ZNF732: variants seen among roughly 807,000 people sequenced by gnomAD.
ZNF732 encodes zinc finger protein 732, also known as zinc finger protein LOC654254.
A neutral mutation model predicts 11.5 loss-of-function variants in ZNF732; 12 were observed. The observed-to-expected ratio is 1.05, with a 90% confidence interval of 0.67 to 1.70. The LOEUF is 1.70. Ranked by LOEUF, ZNF732 falls within the 40% of genes most tolerant of loss-of-function variation. The pLI is 0.00. For missense variants in ZNF732, 702 were observed against 676.9 expected, an observed-to-expected ratio of 1.04 and a Z score of -0.41; for synonymous variants, 231 against 236.5, an observed-to-expected ratio of 0.98 and a Z score of 0.21.
chr4:305,159 A>C, intron 1 of ZNF732, 149 bp downstream of exon 1: 1 of 1,104,222 alleles, frequency 9.1e-7, no homozygotes, highest in Non-Finnish European at 1.2e-6. Flanking sequence ...ACCGACATGA[A>C]CCCGGGTCCC....
In ZNF732 at chr4:305,406, C is replaced by A; in HGVS notation, c.-96G>T. 6.4e-7 allele frequency: 1 copy of A among 1,561,026 alleles called. No homozygotes were observed. ...GAGGCTGAGGCTGTGACCGAATCAC[C>A]GACGCCTCCCTGAGGGGTGAAAGCA... On this transcript the variant is annotated 5_prime_UTR_variant, in exon 1 of 4. Coordinates refer to ENST00000419098, the MANE Select transcript of ZNF732 (RefSeq NM_001137608.3).
rs1719409135 is a variant in ZNF732 at position 272,488 on chromosome 4, T to C, written c.369A>G (p.Lys123=). 2 of 1,602,790 alleles carry C rather than the reference T, an allele frequency of 1.2e-6. No homozygotes were observed. Among genetic ancestry groups the C allele is most frequent in the Admixed American group, 1.7e-5 (1 of 57,926 alleles). Residue 123 remains lysine (K), a synonymous_variant, in exon 4 of 4, where the codon AAA becomes AAG. Coordinates refer to ENST00000419098, the MANE Select transcript of ZNF732 (RefSeq NM_001137608.3). The stretch of plus-strand genomic sequence containing the variant: ...ATTGATTAAATTCATTATAACCTCC[T>C]TTCTGCACCTTCCTTTTACAGCTTT... ...LRKSCKRKVQ[K]GGYNEFNQCL... is the part of the protein sequence containing the mutation.
intron 3 of ZNF732, among the ~76,000 whole-genome samples, chr4:276,962 C>A (rs1719510868): frequency 6.7e-6 from 1 of 150,198 alleles, no homozygotes; most frequent in South Asian, 2.1e-4. Flanking sequence ...ATAGACAGAT[C>A]AAACTATCCA....
chr4:304,671 G>A (rs377548320), intron 1 of ZNF732, among the ~76,000 whole-genome samples: 22 of 152,276 alleles, frequency 1.4e-4, no homozygotes, highest in African/African-American at 4.1e-4. Flanking sequence ...GTTCAATAAT[G>A]TGGCAGAACT....
intron 3 of ZNF732, among the ~76,000 whole-genome samples, chr4:284,411 T>C (rs1341247190): frequency 2.0e-5 from 3 of 152,062 alleles, no homozygotes; most frequent in South Asian, 4.1e-4. Context: ...AAAAGTAGAA[T>C]GTAACAAAAG....
chr4:284,193 G>A (rs182281695), intron 3 of ZNF732, among the ~76,000 whole-genome samples: 31 of 152,098 alleles, frequency 2.0e-4, no homozygotes, highest in African/African-American at 7.2e-4. Context: ...TTATAGGCAT[G>A]AGCCACCGAG....
chr4:283,597 T>C (rs1227468595), intron 3 of ZNF732, among the ~76,000 whole-genome samples: 4 of 151,116 alleles, frequency 2.6e-5, no homozygotes, highest in African/African-American at 2.4e-5. Flanking sequence ...ATACCCAATA[T>C]TGGAGCACAT....
intron 3 of ZNF732, among the ~76,000 whole-genome samples, chr4:285,689 CT>C (rs1180410291): frequency 6.6e-6 from 1 of 152,158 alleles, no homozygotes; most frequent in African/African-American, 2.4e-5. Context: ...AAATTTTAAA[CT>C]CTCCATTCTC....
intron 1 of ZNF732, among the ~76,000 whole-genome samples, chr4:299,454 C>CAT (rs1415511353): frequency 1.8e-5 from 1 of 55,378 alleles, no homozygotes; most frequent in Admixed American, 1.8e-4. Flanking sequence ...TATATATACA[C>CAT]ATATGTGTAT....
intron 3 of ZNF732, among the ~76,000 whole-genome samples, chr4:273,398 C>T (rs2108651806): frequency 6.6e-6 from 1 of 151,926 alleles, no homozygotes; most frequent in Non-Finnish European, 1.5e-5. Flanking sequence ...ATAATGTATA[C>T]AAAATATTAG....
chr4:292,557 CAAAAAA>C (rs200025940), intron 3 of ZNF732, among the ~76,000 whole-genome samples: 2 of 89,984 alleles, frequency 2.2e-5, no homozygotes, highest in African/African-American at 7.8e-5. Context: ...AACTCTGTCT[CAAAAAA>C]AAAAAAAAAA....
chr4:270,746 TC>T lies in ZNF732; in HGVS notation c.*352del, dbSNP rs1438541908. On this transcript the variant is annotated 3_prime_UTR_variant, in exon 4 of 4. Coordinates refer to ENST00000419098, the MANE Select transcript of ZNF732 (RefSeq NM_001137608.3). ...ATGGGTGAGGACCGTTTATAGGCTT[TC>T]CCACATTCTTTACATTTGTAGGATT... The T allele has an allele frequency of 8.7e-6, 4 of 458,532 alleles. No homozygotes were observed. Among genetic ancestry groups the T allele is most frequent in the African/African-American group, 8.0e-5 (4 of 50,106 alleles). The allele number at this position is 458,532 out of a possible 1,614,324, so 28.4% of individuals were successfully genotyped here.
intron 3 of ZNF732, among the ~76,000 whole-genome samples, chr4:279,999 C>T (rs539894423): frequency 1.2e-4 from 19 of 152,038 alleles, no homozygotes; most frequent in African/African-American, 4.6e-4. Flanking sequence ...AAGTGAAACC[C>T]AATGATTTTT....
Position 271,540 on chromosome 4 carries a change from A to C in ZNF732, c.1317T>G (p.Ile439Met), listed in dbSNP as rs782782303. Residue 439 changes from isoleucine (I) to methionine (M), a missense_variant, in exon 4 of 4, where the codon ATT becomes ATG. Ile to Met is a conservative substitution (Grantham distance 10, BLOSUM62 1). Transcript: ENST00000419098. ...WSTDLNKHKI[I>M]HTGEKPYKCE... The stretch of plus-strand genomic sequence containing the variant: ...ATTTGTAAGGTTTCTCTCCAGTATG[A>C]ATTATCTTATGTTTATTCAGGTCTG... 6.2e-7 allele frequency: 1 copy of C among 1,611,816 alleles called. No homozygotes were observed. Among genetic ancestry groups the C allele is most frequent in the Admixed American group, 1.7e-5 (1 of 59,892 alleles).
At chr4:302,230 G>C (rs1296140364) in intron 1 of ZNF732, among the ~76,000 whole-genome samples, 1 of 152,046 alleles carries the variant, frequency 6.6e-6, no homozygotes, top group Admixed American at 6.5e-5. Context: ...TATAATGTCT[G>C]GTGATTCTGG....
In ZNF732 at chr4:276,019, A is replaced by G. The variant is rs150897810; in HGVS notation, c.227-3389T>C. Among the ~76,000 whole-genome samples, 647 of 151,904 alleles carry G rather than the reference A, an allele frequency of 4.3e-3. 1 individual carries two copies. The highest frequency in any genetic ancestry group is 0.015 in the African/African-American group (608 of 41,534). On this transcript the variant is annotated intron_variant, in intron 3 of 3. Coordinates refer to ENST00000419098, the MANE Select transcript of ZNF732 (RefSeq NM_001137608.3). ...AGCTGAATATTTAAAAATATATAAGATTTTAAATGTTATGCATTTTTGAAA... is the reference window on the plus strand; with the variant it reads ...AGCTGAATATTTAAAAATATATAAGGTTTTAAATGTTATGCATTTTTGAAA...
rs868973728 is a variant in ZNF732 at position 272,120 on chromosome 4, C to A, written c.737G>T (p.Gly246Val). The A allele has an allele frequency of 6.2e-7, 1 of 1,612,168 alleles. No homozygotes were observed. Among genetic ancestry groups the A allele is most frequent in the East Asian group, 2.2e-5 (1 of 44,776 alleles). The part of the protein sequence containing the change: ...SNFAKHKVHT[G>V]EKSYKYEECG... ...TTCTTCATATTTGTAAGATTTCTCT[C>A]CAGTATGAACTTTATGTTTAGCAAA... Residue 246 changes from glycine (G) to valine (V), a missense_variant, in exon 4 of 4, where the codon GGA (glycine) becomes GTA (valine). Transcript: ENST00000419098.
At chr4:278,623 C>T (rs1407590333) in intron 3 of ZNF732, among the ~76,000 whole-genome samples, 7 of 152,218 alleles carry the variant, frequency 4.6e-5, no homozygotes, top group African/African-American at 1.4e-4. Context: ...AATAGACAAT[C>T]GCAAACACAA....
At chr4:291,774 G>GA (rs1315248290) in intron 3 of ZNF732, among the ~76,000 whole-genome samples, 5 of 152,268 alleles carry the variant, frequency 3.3e-5, no homozygotes, top group Admixed American at 2.6e-4. Flanking sequence ...GCCATCTTGA[G>GA]AAAGAACAAA....
Sources: gnomAD v4.1 joint callset for allele counts (sites outside exome capture counted in the v4.1 genomes callset) on GRCh38, gnomAD v4.1.1 for gene constraint, MANE v1.5 for transcripts, NCBI Gene and HGNC (gene_info 2026-07-23, HGNC 2026-07-21) for gene names.